HCFC1R1: variants seen among roughly 807,000 people sequenced by gnomAD.
HCFC1R1 encodes the protein host cell factor C1 regulator 1.
A neutral mutation model predicts 13.3 loss-of-function variants in HCFC1R1; 17 were observed. The ratio of observed to expected loss-of-function variants is 1.28; its 90% CI spans 0.87 to 1.91. The LOEUF (loss-of-function observed/expected upper bound fraction) is 1.91, where lower values mean the gene tolerates loss of function less well. Among genes scored for constraint, HCFC1R1 ranks in the 40% most tolerant of loss-of-function variants. The pLI, the probability that HCFC1R1 is intolerant of heterozygous loss-of-function variation, is 0.00. For missense variants in HCFC1R1, 218 were observed against 177.9 expected (o/e 1.23, Z -1.28); for synonymous variants, 87 against 71.1 (o/e 1.22, Z -1.12).
upstream of HCFC1R1, chr16:3,024,256 C>G (rs1567412838): frequency 6.2e-7 from 1 of 1,600,252 alleles, no homozygotes; most frequent in Non-Finnish European, 8.6e-7. Context: ...CGGAGAGGAA[C>G]CGCTCTAGGC....
In HCFC1R1 at chr16:3,023,315, G is replaced by A. The variant is rs897570821; in HGVS notation, c.199C>T (p.His67Tyr). 1 of 1,600,356 alleles carries A rather than the reference G, an allele frequency of 6.2e-7. No homozygotes were observed. Among genetic ancestry groups the A allele is most frequent in the Non-Finnish European group, 8.5e-7 (1 of 1,171,032 alleles). ...QFLSEENMAT[H>Y]FSQLSLHNDH... ...TTGTGCAGGCTGAGTTGAGAGAAGT[G>A]GGTGGCCATGTTCTCCTCAGACAGA... The change falls in exon 3 of 4, where the codon CAC (histidine) becomes TAC (tyrosine). Residue 67 changes from histidine (H) to tyrosine (Y), a missense_variant. By Grantham distance (83) the His-to-Tyr change is moderately conservative. Transcript: ENST00000248089.
upstream of HCFC1R1, chr16:3,024,260 T>G: frequency 1.2e-6 from 2 of 1,602,954 alleles, no homozygotes; most frequent in South Asian, 2.2e-5. Flanking sequence ...GAGGAACCGC[T>G]CTAGGCACGT....
At chr16:3,024,059 G>T, upstream of HCFC1R1, 1 of 878,736 alleles carries the variant, frequency 1.1e-6, no homozygotes, top group Non-Finnish European at 1.7e-6. Flanking sequence ...CTGCGCGGGC[G>T]CGGAAGACGG....
At chr16:3,023,735 C>G (rs1255865257) in intron 1 of HCFC1R1, 112 bp downstream of exon 1, 1 of 1,074,774 alleles carries the variant, frequency 9.3e-7, no homozygotes, top group Non-Finnish European at 1.3e-6. Flanking sequence ...CAGCTCACGC[C>G]TAAGCCCCGC....
At chr16:3,024,038 G>T, upstream of HCFC1R1, 1 of 1,017,470 alleles carries the variant, frequency 9.8e-7, no homozygotes, top group South Asian at 1.6e-5. Context: ...GGCGGGCACA[G>T]CCGCGAGGTT....
chr16:3,024,276 C>T (rs892962729), upstream of HCFC1R1: 9 of 1,613,286 alleles, frequency 5.6e-6, no homozygotes, highest in Admixed American at 8.3e-5. Flanking sequence ...CACGTAAGGC[C>T]TCGTGAGGTT....
chr16:3,024,169 C>A, upstream of HCFC1R1: 1 of 879,584 alleles, frequency 1.1e-6, no homozygotes, highest in Non-Finnish European at 1.8e-6. Flanking sequence ...CGGGGGTCTT[C>A]GCGGCGCTCA....
At chr16:3,023,664 T>A in intron 1 of HCFC1R1, 134 bp from the exon 2 acceptor site, 1 of 1,168,086 alleles carries the variant, frequency 8.6e-7, no homozygotes, top group Non-Finnish European at 1.2e-6. Context: ...CCCGCTCTCC[T>A]GGACCATCCA....
chr16:3,022,936 C>A lies in HCFC1R1; in HGVS notation c.344G>T (p.Arg115Leu), dbSNP rs371111252. 1.9e-6 allele frequency: 3 copies of A among 1,574,294 alleles called. No homozygotes were observed. The East Asian group carries it at 7.1e-5, about 37-fold the overall frequency. The change falls in exon 4 of 4, where the codon CGT (arginine) becomes CTT (leucine). Residue 115 changes from arginine (R) to leucine (L), a missense_variant. Physicochemically the swap from Arg to Leu is moderately radical, Grantham distance 102 (BLOSUM62 -2). Transcript: ENST00000248089. Reference sequence around the variant, plus strand: ...GGGGGTGTCCCCCAGCCTCAGCAGACGGAGGGCCTCAGGGATGAGGCTGCC... The same window carrying A: ...GGGGGTGTCCCCCAGCCTCAGCAGAAGGAGGGCCTCAGGGATGAGGCTGCC... Reference protein sequence around the residue: ...YPGSLIPEALRLLRLGDTPSP... With the variant: ...YPGSLIPEALLLLRLGDTPSP...
At chr16:3,024,071 C>A (rs2072709384), upstream of HCFC1R1, 3 of 797,982 alleles carry the variant, frequency 3.8e-6, no homozygotes, top group African/African-American at 1.7e-5. Context: ...GGAAGACGGG[C>A]GGCGCGTGGC....
chr16:3,024,017 G>C (rs1007325493), upstream of HCFC1R1: 5 of 1,190,148 alleles, frequency 4.2e-6, no homozygotes, highest in Non-Finnish European at 5.8e-6. Flanking sequence ...GAGAGGATGG[G>C]CGTGGCTTTA....
In HCFC1R1 at chr16:3,022,981, A is replaced by T. The variant is rs749420927; in HGVS notation, c.299T>A (p.Leu100Gln). Reference protein sequence around the residue: ...LPPLRSPCSELLLWRYPGSLI... With the variant: ...LPPLRSPCSEQLLWRYPGSLI... ...GCTGCCAGGATAGCGCCAGAGAAGC[A>T]GCTCAGAGCAAGGGCTCCTAGAAGA... Residue 100 changes from leucine (L) to glutamine (Q), a missense_variant, in exon 4 of 4, where the codon CTG becomes CAG. Leu to Gln is a moderately radical substitution (Grantham distance 113). Transcript: ENST00000248089. The T allele has an allele frequency of 6.3e-7, 1 of 1,595,508 alleles. No homozygotes were observed. The highest frequency in any genetic ancestry group is 1.8e-5 in the Admixed American group (1 of 54,812).
At chr16:3,023,804 C>G in intron 1 of HCFC1R1, 43 bp downstream of exon 1, 1 of 1,431,542 alleles carries the variant, frequency 7.0e-7, no homozygotes, top group Admixed American at 2.0e-5. Flanking sequence ...AGCCAAAGCT[C>G]CTGCGGCCCT....
chr16:3,023,257 A>G lies in HCFC1R1; in HGVS notation c.257T>C (p.Phe86Ser), dbSNP rs2072663542. Residue 86 changes from phenylalanine (F) to serine (S), a missense_variant, in exon 3 of 4, where the codon TTC becomes TCC. Physicochemically the swap from Phe to Ser is radical, Grantham distance 155. Transcript: ENST00000248089. ...DHPYCSPPMT[F>S]SPALPPLRSP... The stretch of plus-strand genomic sequence containing the variant: ...CCTGAGTGGGGGCAGGGCTGGGGAG[A>G]AGGTCATGGGGGGGCTGCAGTAGGG... 2 of 1,562,074 alleles carry G rather than the reference A, an allele frequency of 1.3e-6. No individual in the cohort carries two copies. Among genetic ancestry groups the G allele is most frequent in the African/African-American group, 2.7e-5 (2 of 73,438 alleles).
upstream of HCFC1R1, chr16:3,024,058 C>T: frequency 1.1e-6 from 1 of 884,854 alleles, no homozygotes; most frequent in Non-Finnish European, 1.7e-6. Flanking sequence ...TCTGCGCGGG[C>T]GCGGAAGACG....
upstream of HCFC1R1, chr16:3,024,134 T>G: frequency 2.8e-6 from 2 of 723,590 alleles, no homozygotes; most frequent in Non-Finnish European, 4.6e-6. Flanking sequence ...TTAAGGGGGC[T>G]GCGGTGGACA....
chr16:3,023,730 C>A, intron 1 of HCFC1R1, 117 bp downstream of exon 1: 1 of 1,051,748 alleles, frequency 9.5e-7, no homozygotes, highest in South Asian at 1.4e-5. Flanking sequence ...CATCTCAGCT[C>A]ACGCCTAAGC....
intron 3 of HCFC1R1, 111 bp from the exon 4 acceptor site, chr16:3,023,109 G>A (rs1236296627): frequency 1.3e-5 from 19 of 1,515,260 alleles, no homozygotes; most frequent in Non-Finnish European, 1.7e-5. Flanking sequence ...TTTCCAAAGA[G>A]CCAAGATGGG....
chr16:3,022,784 C>A lies in HCFC1R1; in HGVS notation c.*79G>T, dbSNP rs2072638648. 1 of 1,302,318 alleles carries A rather than the reference C, an allele frequency of 7.7e-7. No homozygotes were observed. The highest frequency in any genetic ancestry group is 1.8e-5 in the South Asian group (1 of 54,472). 80.7% of individuals were successfully genotyped at this position (1,302,318 alleles called of 1,614,324 possible). ...GCCTACTCTGCAGGAGAGGGAGGAA[C>A]CTTGTCCCTTTGCGGGAGTCGCTGG... On this transcript the variant is annotated 3_prime_UTR_variant, in exon 4 of 4. Transcript: ENST00000248089.
Sources: allele counts gnomAD v4.1 joint callset, GRCh38; gene constraint gnomAD v4.1.1; transcripts MANE v1.5; gene names NCBI Gene and HGNC (gene_info 2026-07-23, HGNC 2026-07-21).